The following PRUNE2 variants were observed in gnomAD, a reference collection of about 807,000 sequenced individuals.
The protein encoded by PRUNE2 is protein prune homolog 2.
In PRUNE2, 164 loss-of-function variants were observed where a neutral mutation model predicts 252.0. The ratio of observed to expected loss-of-function variants is 0.65; its 90% confidence interval spans 0.57 to 0.74. The LOEUF is 0.74. Ranked by LOEUF, PRUNE2 falls within the 30% of genes least tolerant of loss-of-function variation. PRUNE2 has a pLI of 0.00. For synonymous variants in PRUNE2, 1,292 were observed against 1,350.2 expected (o/e 0.96, Z 0.94); for missense variants, 3,495 against 3,711.0 (o/e 0.94, Z 1.51).
At position 76,709,036 on chromosome 9, in the gene PRUNE2, C is replaced by G. The variant is rs377620126; in HGVS notation, c.3238G>C (p.Asp1080His). 2.5e-6 allele frequency: 4 copies of G among 1,613,936 alleles called. No individual in the cohort carries two copies. In the African/African-American group the frequency reaches 5.3e-5, roughly 22 times the overall value. ...DVGESSQSSYDDPSMMQLYNE... is the reference protein window; with the variant it reads ...DVGESSQSSYHDPSMMQLYNE... ...TACAGTTGCATCATGCTGGGGTCGTCGTAACTGGACTGGCTGCTTTCCCCG... is the reference window on the plus strand; with the variant it reads ...TACAGTTGCATCATGCTGGGGTCGTGGTAACTGGACTGGCTGCTTTCCCCG... Residue 1080 changes from aspartate (D) to histidine (H), a missense_variant, in exon 8 of 19, where the codon GAC (aspartate) becomes CAC (histidine). Transcript: ENST00000376718.
chr9:76,711,601 G>A (rs373657974), intron 7 of PRUNE2, among the ~76,000 whole-genome samples: 58 of 152,268 alleles, frequency 3.8e-4, no homozygotes, highest in Admixed American at 1.2e-3. Flanking sequence ...GCTCCTGAAC[G>A]TTTGGGTAAA....
rs1554779750 is a variant in PRUNE2 at position 76,637,009 on chromosome 9, G to GTGTGTGTGTA, written c.8963+408_8963+409insTACACACACA. 2.6e-3 allele frequency among the ~76,000 whole-genome samples: 384 copies of GTGTGTGTGTA among 150,392 alleles called. 5 individuals carry two copies. The highest frequency in any genetic ancestry group is 9.0e-3 in the African/African-American group (365 of 40,658). ...TGTGTGTGTGTGTGTGTGTGTGTGT[G>GTGTGTGTGTA]TATAATTTTAGGGAGTTCTATGCAA... On this transcript the variant is annotated intron_variant, in intron 14 of 18. Transcript: ENST00000376718.
At chr9:76,867,199 AC>A (rs1371978525) in intron 1 of PRUNE2, among the ~76,000 whole-genome samples, 1 of 144,402 alleles carries the variant, frequency 6.9e-6, no homozygotes, top group South Asian at 2.3e-4. Flanking sequence ...AACACCATCA[AC>A]CCCCCGCCCC....
At chr9:76,759,602 A>C (rs1028446746) in intron 6 of PRUNE2, 1 of 152,132 alleles carries the variant, frequency 6.6e-6, no homozygotes, top group African/African-American at 2.4e-5. Flanking sequence ...TCATCTTCCC[A>C]CTCCATTCCC....
intron 16 of PRUNE2, among the ~76,000 whole-genome samples, chr9:76,625,514 TAATAA>T (rs1201644749): frequency 6.6e-6 from 1 of 152,204 alleles, no homozygotes; most frequent in Non-Finnish European, 1.5e-5. Context: ...ATGATGGTAA[TAATAA>T]AATTGACATT....
chr9:76,846,827 T>G, intron 3 of PRUNE2, 149 bp from the exon 4 acceptor site: 1 of 612,772 alleles, frequency 1.6e-6, no homozygotes, highest in African/African-American at 1.8e-5. Context: ...GACGGGAGCC[T>G]TATTCTACGT....
Position 76,705,411 on chromosome 9 carries a change from G to C in PRUNE2, c.6863C>G (p.Ser2288Ter), listed in dbSNP as rs763414459. 1.2e-6 allele frequency: 2 copies of C among 1,613,970 alleles called. No individual in the cohort carries two copies. The highest frequency in any genetic ancestry group is 1.7e-6 in the Non-Finnish European group (2 of 1,179,858). The change falls in exon 8 of 19, where the codon TCA becomes TGA. Residue 2288 changes from serine (S) to a stop codon, truncating the protein, a stop_gained. Coordinates refer to ENST00000376718, the MANE Select transcript of PRUNE2 (RefSeq NM_015225.3). LOFTEE classifies it high-confidence loss of function. ...PALVPDALLASDTCLDISEAA... is the reference protein window; with the variant it reads ...PALVPDALLA ...TTCGCTTATATCCAGACAAGTGTCTGAGGCTAGCAAAGCATCAGGAACCAA... is the reference window on the plus strand; with the variant it reads ...TTCGCTTATATCCAGACAAGTGTCTCAGGCTAGCAAAGCATCAGGAACCAA...
chr9:76,819,003 C>A (rs1478995599), intron 6 of PRUNE2, among the ~76,000 whole-genome samples: 1 of 152,148 alleles, frequency 6.6e-6, no homozygotes, highest in Non-Finnish European at 1.5e-5. Context: ...GTAATCCCAG[C>A]ACTTTGAGAG....
intron 1 of PRUNE2, among the ~76,000 whole-genome samples, chr9:76,901,872 T>G (rs1296219836): frequency 6.6e-6 from 1 of 152,208 alleles, no homozygotes; most frequent in Admixed American, 6.5e-5. Context: ...TCCACCTTCT[T>G]GTTGAAAACA....
intron 6 of PRUNE2, among the ~76,000 whole-genome samples, chr9:76,735,006 G>A (rs1403867947): frequency 6.6e-6 from 1 of 152,002 alleles, no homozygotes; most frequent in Non-Finnish European, 1.5e-5. Flanking sequence ...GAGAAAAAAG[G>A]CAAGCCCTGG....
At chr9:76,768,579 A>ATGTGTGTGTG (rs1491333441) in intron 6 of PRUNE2, among the ~76,000 whole-genome samples, 1 of 100,508 alleles carries the variant, frequency 9.9e-6, no homozygotes, top group African/African-American at 3.2e-5. Context: ...ATATATGTAT[A>ATGTGTGTGTG]TGTATGTGTG....
intron 17 of PRUNE2, among the ~76,000 whole-genome samples, chr9:76,621,582 T>G (rs1417688263): frequency 6.6e-6 from 1 of 152,186 alleles, no homozygotes; most frequent in Non-Finnish European, 1.5e-5. Flanking sequence ...AAAACAAATC[T>G]GATTATTTTT....
intron 9 of PRUNE2, among the ~76,000 whole-genome samples, chr9:76,678,883 G>A (rs932161309): frequency 1.6e-4 from 24 of 152,216 alleles, no homozygotes; most frequent in Admixed American, 3.3e-4. Context: ...CCCTTCCTTC[G>A]AGAAGCACAG....
chr9:76,899,118 T>C (rs1394328701), intron 1 of PRUNE2, among the ~76,000 whole-genome samples: 1 of 152,200 alleles, frequency 6.6e-6, no homozygotes, highest in Non-Finnish European at 1.5e-5. Flanking sequence ...AGCAAGAGAC[T>C]AGGCTGGGCT....
At chr9:76,688,816 A>G (rs755538515) in intron 9 of PRUNE2, among the ~76,000 whole-genome samples, 2 of 152,148 alleles carry the variant, frequency 1.3e-5, no homozygotes, top group South Asian at 2.1e-4. Context: ...AGAATAATCC[A>G]TCCTTAGCTT....
At chr9:76,793,470 T>C (rs2055754175) in intron 6 of PRUNE2, among the ~76,000 whole-genome samples, 2 of 152,170 alleles carry the variant, frequency 1.3e-5, no homozygotes, top group African/African-American at 4.8e-5. Flanking sequence ...ATTATGGCTA[T>C]CTAGGGGCCA....
intron 6 of PRUNE2, chr9:76,786,888 GTGGCTCC>G (rs1477462925): frequency 2.0e-5 from 3 of 152,190 alleles, no homozygotes. Flanking sequence ...GAGAAACCCA[GTGGCTCC>G]TTGTGGTACA....
At chr9:76,857,206 T>C in intron 1 of PRUNE2, 1 of 450,640 alleles carries the variant, frequency 2.2e-6, no homozygotes, top group Non-Finnish European at 4.5e-6. Context: ...CAGCACTCTC[T>C]TTCCCCCTCC....
Position 76,652,635 on chromosome 9 carries a change from T to C in PRUNE2, c.8405A>G (p.Lys2802Arg). 2 of 1,613,186 alleles carry C rather than the reference T, an allele frequency of 1.2e-6. No individual in the cohort carries two copies. Among genetic ancestry groups the C allele is most frequent in the Non-Finnish European group, 1.7e-6 (2 of 1,179,284 alleles). Residue 2802 changes from lysine to arginine, a missense_variant, in exon 11 of 19, where the codon AAG becomes AGG. By Grantham distance (26) the Lys-to-Arg change is conservative. Transcript: ENST00000376718. ...DLNDTHPRRI[K>R]LTAPNINLSL... ...AAGATTGATATTTGGGGCTGTGAGC[T>C]TGATTCTCCGAGGATGAGTGTCATT...
Sources: gnomAD v4.1 joint callset for allele counts (sites outside exome capture counted in the v4.1 genomes callset) on GRCh38, gnomAD v4.1.1 for gene constraint, MANE v1.5 for transcripts, NCBI Gene and HGNC (gene_info 2026-07-23, HGNC 2026-07-21) for gene names.